ZKSCAN5: variants seen among roughly 807,000 people sequenced by gnomAD.
ZKSCAN5 encodes the protein zinc finger with KRAB and SCAN domains 5.
ZKSCAN5 carries 28 observed loss-of-function variants against 60.0 expected under a neutral mutation model. That is an observed-to-expected ratio of 0.47 (90% CI 0.35 to 0.64). ZKSCAN5 has a LOEUF of 0.64. Ranked by LOEUF, ZKSCAN5 falls within the 30% of genes least tolerant of loss-of-function variation. The probability of loss-of-function intolerance (pLI) is 0.01; values close to 1 mark genes in which losing one functional copy is unlikely to be tolerated. For missense variants in ZKSCAN5, 881 were observed against 1,034.6 expected, an observed-to-expected ratio of 0.85 and a Z score of 2.04; for synonymous variants, 361 against 371.2, an observed-to-expected ratio of 0.97 and a Z score of 0.31.
rs1272233438 is a variant in ZKSCAN5, at chr7:99,531,714, A to G, written c.1985A>G (p.Gln662Arg). The G allele has an allele frequency of 3.7e-6, 6 of 1,614,112 alleles. No individual in the cohort carries two copies. The highest frequency in any genetic ancestry group is 5.1e-6 in the Non-Finnish European group (6 of 1,180,052). ...CTCCACTCCCGAGAGAAATCCCATC[A>G]GTGTCGTGAATGTGGGGAAATCTTT... Reference protein sequence around the residue: ...LRLHSREKSHQCRECGEIFFQ... With the variant: ...LRLHSREKSHRCRECGEIFFQ... Residue 662 changes from glutamine to arginine, a missense_variant, in exon 7 of 7, where the codon CAG becomes CGG. This residue lies in a region of ZKSCAN5 where 112 missense variants were observed against 182.4 expected (regional missense o/e 0.61). Transcript: ENST00000326775.
chr7:99,506,554 A>T, intron 2 of ZKSCAN5, 96 bp downstream of exon 2: 4 of 1,418,132 alleles, frequency 2.8e-6, no homozygotes, highest in Non-Finnish European at 3.7e-6. Context: ...CTTCATTCAT[A>T]TTCTTTTGTT....
At chr7:99,518,375 C>A (rs1014859049) in intron 3 of ZKSCAN5, among the ~76,000 whole-genome samples, 1 of 151,278 alleles carries the variant, frequency 6.6e-6, no homozygotes, top group South Asian at 2.1e-4. Flanking sequence ...GAGCTGAGAT[C>A]GCGCCACTGC....
intron 3 of ZKSCAN5, among the ~76,000 whole-genome samples, chr7:99,514,597 A>G (rs184645880): frequency 6.7e-6 from 1 of 149,522 alleles, no homozygotes; most frequent in African/African-American, 2.5e-5. Context: ...TGTGGCGAAA[A>G]CTCACCTCTA....
Position 99,526,518 on chromosome 7 carries a change from G to A in ZKSCAN5, c.1378+100G>A, listed in dbSNP as rs1203834506. On this transcript the variant is annotated intron_variant, in intron 6 of 6. Transcript: ENST00000326775. ...CAGGACAGATGGGTGGTGATACTGG[G>A]GGGGGTAGGAAGAGGCAAAGGTTAT... 4.0e-6 allele frequency: 6 copies of A among 1,497,482 alleles called. No homozygotes were observed. In the South Asian group the frequency reaches 4.0e-5, roughly 10 times the overall value. The allele number at this position is 1,497,482 out of a possible 1,614,324, so 92.8% of individuals were successfully genotyped here.
At chr7:99,526,451 A>G (rs1801797119) in intron 6 of ZKSCAN5, 33 bp downstream of exon 6, 1 of 1,572,294 alleles carries the variant, frequency 6.4e-7, no homozygotes, top group Admixed American at 1.8e-5. Flanking sequence ...CGGGGGATAA[A>G]TGGAGGCGAA....
chr7:99,512,667 G>A lies in ZKSCAN5; in HGVS notation c.553+76G>A, dbSNP rs576299106. 5.0e-5 allele frequency: 77 copies of A among 1,532,390 alleles called. No individual in the cohort carries two copies. The African/African-American group carries it at 7.1e-4, about 14-fold the overall frequency. The allele number at this position is 1,532,390 out of a possible 1,614,324, so 94.9% of individuals were successfully genotyped here. A position where few individuals can be genotyped will look rare whatever the true frequency, so the allele number is the denominator to read the frequency against. On this transcript the variant is annotated intron_variant, in intron 3 of 6. Coordinates refer to ENST00000326775, the MANE Select transcript of ZKSCAN5 (RefSeq NM_145102.4). The stretch of plus-strand genomic sequence containing the variant: ...TGGCCATGTGGCAGGCACTATCTGC[G>A]GGAGAGAGACTCTAGGCTGAGCAGC...
intron 1 of ZKSCAN5, chr7:99,505,639 C>G (rs1040744860): frequency 5.8e-6 from 1 of 173,754 alleles, no homozygotes; most frequent in Non-Finnish European, 1.3e-5. Flanking sequence ...TTAAGTTCGT[C>G]TTATGGTAGA....
At chr7:99,513,524 G>C (rs1801135193) in intron 3 of ZKSCAN5, among the ~76,000 whole-genome samples, 1 of 152,028 alleles carries the variant, frequency 6.6e-6, no homozygotes, top group Non-Finnish European at 1.5e-5. Context: ...CTCCTGAGTA[G>C]CTGGGACTAC....
rs139033738 is a variant in ZKSCAN5, at chr7:99,531,345, A to T, written c.1616A>T (p.His539Leu). The T allele has an allele frequency of 2.5e-6, 4 of 1,614,120 alleles. No individual in the cohort carries two copies. The highest frequency in any genetic ancestry group is 3.4e-6 in the Non-Finnish European group (4 of 1,180,052). The change falls in exon 7 of 7, where the codon CAC (histidine) becomes CTC (leucine). Residue 539 changes from histidine to leucine, a missense_variant. His to Leu is a moderately conservative substitution (Grantham distance 99, BLOSUM62 -3). Coordinates refer to ENST00000326775, the MANE Select transcript of ZKSCAN5 (RefSeq NM_145102.4). ...AACTACAGTGAAGTCCCATATGTCC[A>T]CAAAAAATCCTCCACTGGAGAGAGA... Reference protein sequence around the residue: ...RMNYSEVPYVHKKSSTGERPH... With the variant: ...RMNYSEVPYVLKKSSTGERPH...
chr7:99,507,416 T>A (rs541875001), intron 2 of ZKSCAN5, among the ~76,000 whole-genome samples: 2 of 151,756 alleles, frequency 1.3e-5, no homozygotes, highest in African/African-American at 4.8e-5. Flanking sequence ...TATGTGTGTA[T>A]GTAATATACA....
intron 2 of ZKSCAN5, among the ~76,000 whole-genome samples, chr7:99,508,247 C>T (rs766910208): frequency 3.3e-5 from 5 of 151,262 alleles, no homozygotes; most frequent in African/African-American, 4.9e-5. Flanking sequence ...TGCAGTGAGC[C>T]GAGATTGTGC....
chr7:99,529,953 C>T (rs1187326451), intron 6 of ZKSCAN5, among the ~76,000 whole-genome samples: 2 of 145,398 alleles, frequency 1.4e-5, no homozygotes, highest in Non-Finnish European at 3.0e-5. Flanking sequence ...TCAGGCTGGT[C>T]TTGAATTCCT....
chr7:99,527,543 G>A (rs1469111992), intron 6 of ZKSCAN5, among the ~76,000 whole-genome samples: 1 of 152,084 alleles, frequency 6.6e-6, no homozygotes, highest in African/African-American at 2.4e-5. Flanking sequence ...TTCCAGGGCT[G>A]TTCAGCCCTC....
intron 2 of ZKSCAN5, among the ~76,000 whole-genome samples, chr7:99,508,561 C>G (rs1209637263): frequency 1.3e-5 from 2 of 151,724 alleles, no homozygotes; most frequent in Non-Finnish European, 2.9e-5. Context: ...CCATCCGGGC[C>G]AACATGGTGA....
At position 99,534,531 on chromosome 7, in the gene ZKSCAN5, AGC is replaced by A; in HGVS notation, c.*2283_*2284del. 6.6e-6 allele frequency: 1 copy of A among 152,376 alleles called. No homozygotes were observed. The highest frequency in any genetic ancestry group is 1.5e-5 in the Non-Finnish European group (1 of 68,102). 9.4% of individuals were successfully genotyped at this position (152,376 alleles called of 1,614,324 possible). A position where few individuals can be genotyped will look rare whatever the true frequency, so the allele number is the denominator to read the frequency against. On this transcript the variant is annotated 3_prime_UTR_variant, in exon 7 of 7. Transcript: ENST00000326775. ...GGTCTCTACTTAAAATACAAAAATT[AGC>A]TGGGCATAGTGGCGCATGCCTATAG... is the stretch of plus-strand genomic sequence containing the variant.
intron 2 of ZKSCAN5, among the ~76,000 whole-genome samples, chr7:99,507,519 A>ATATG (rs1554383813): frequency 4.0e-5 from 5 of 126,172 alleles, no homozygotes; most frequent in African/African-American, 1.8e-4. Context: ...ATGTGTGTAT[A>ATATG]TATGTATATG....
Position 99,531,335 on chromosome 7 carries a change from C to T in ZKSCAN5, c.1606C>T (p.Pro536Ser), listed in dbSNP as rs965851355. The T allele has an allele frequency of 6.2e-7, 1 of 1,613,956 alleles. No individual in the cohort carries two copies. Among genetic ancestry groups the T allele is most frequent in the Non-Finnish European group, 8.5e-7 (1 of 1,180,038 alleles). The change falls in exon 7 of 7, where the codon CCA becomes TCA. Residue 536 changes from proline (P) to serine (S), a missense_variant. Coordinates refer to ENST00000326775, the MANE Select transcript of ZKSCAN5 (RefSeq NM_145102.4). ...AAAGAGGATGAACTACAGTGAAGTCCCATATGTCCACAAAAAATCCTCCAC... is the reference window on the plus strand; with the variant it reads ...AAAGAGGATGAACTACAGTGAAGTCTCATATGTCCACAAAAAATCCTCCAC... ...SSKRMNYSEVPYVHKKSSTGE... is the reference protein window; with the variant it reads ...SSKRMNYSEVSYVHKKSSTGE...
chr7:99,521,642 ATATT>A (rs1801544884), intron 5 of ZKSCAN5, among the ~76,000 whole-genome samples: 1 of 151,924 alleles, frequency 6.6e-6, no homozygotes, highest in Admixed American at 6.6e-5. Context: ...GATATTATTT[ATATT>A]TATTTCCTCT....
At chr7:99,526,472 T>TAA in intron 6 of ZKSCAN5, 54 bp downstream of exon 6, 1 of 1,558,224 alleles carries the variant, frequency 6.4e-7, no homozygotes, top group Non-Finnish European at 8.6e-7. Context: ...AAGCAAAAGG[T>TAA]GTTTTATTAG....
Sources: allele counts gnomAD v4.1 joint callset (sites outside exome capture counted in the v4.1 genomes callset), GRCh38; gene constraint gnomAD v4.1.1; regional missense constraint gnomAD v4.1.1; transcripts MANE v1.5; gene names NCBI Gene and HGNC (gene_info 2026-07-23, HGNC 2026-07-21).